EVA1A: variants seen among roughly 807,000 people sequenced by gnomAD.
EVA1A encodes the protein protein eva-1 homolog A.
EVA1A carries 7 observed loss-of-function variants against 9.8 expected under a neutral mutation model. The observed-to-expected ratio is 0.71, with a 90% CI of 0.41 to 1.34. The LOEUF is 1.34. Ranked by LOEUF, EVA1A falls within the 40% of genes most tolerant of loss-of-function variation. The pLI is 0.01. For synonymous variants in EVA1A, 90 were observed against 85.6 expected, an observed-to-expected ratio of 1.05 and a Z score of -0.28; for missense variants, 206 against 205.9, an observed-to-expected ratio of 1.00 and a Z score of 0.00.
chr2:75,535,985 A>G (rs1050986275), intron 1 of EVA1A, among the ~76,000 whole-genome samples: 1 of 152,184 alleles, frequency 6.6e-6, no homozygotes, highest in African/African-American at 2.4e-5. Context: ...AGAAACTATA[A>G]AAGTCCTTTC....
intron 1 of EVA1A, among the ~76,000 whole-genome samples, chr2:75,537,539 G>C (rs1009406400): frequency 6.6e-6 from 1 of 152,130 alleles, no homozygotes; most frequent in Non-Finnish European, 1.5e-5. Context: ...CTATTTGCAG[G>C]TGATATGGCT....
At chr2:75,522,574 C>G (rs535499637) in intron 1 of EVA1A, 87 bp from the exon 2 acceptor site, 1 of 152,300 alleles carries the variant, frequency 6.6e-6, no homozygotes. Context: ...GTGAACCCAG[C>G]AGAGAAGCTT....
At chr2:75,554,359 G>A (rs1272721736) in intron 1 of EVA1A, among the ~76,000 whole-genome samples, 1 of 152,176 alleles carries the variant, frequency 6.6e-6, no homozygotes, top group Non-Finnish European at 1.5e-5. Flanking sequence ...GAGGGGGCAA[G>A]AGGAGGAAGA....
At chr2:75,549,009 T>TATATA (rs1491197617) in intron 1 of EVA1A, among the ~76,000 whole-genome samples, 8 of 53,100 alleles carry the variant, frequency 1.5e-4, no homozygotes, top group African/African-American at 2.3e-4. Context: ...TATATATATA[T>TATATA]TTTTTTTTTT....
intron 2 of EVA1A, chr2:75,518,920 T>C: frequency 1.0e-6 from 1 of 971,198 alleles, no homozygotes; most frequent in Non-Finnish European, 1.2e-6. Context: ...CTACAGGAAT[T>C]TGAGAGCTCG....
At chr2:75,517,665 A>C (rs1463323455) in intron 3 of EVA1A, 3 of 628,974 alleles carry the variant, frequency 4.8e-6, no homozygotes, top group African/African-American at 3.7e-5. Context: ...TCTCTCTCCC[A>C]CACACACAGT....
chr2:75,567,041 G>A (rs944245658), intron 1 of EVA1A, among the ~76,000 whole-genome samples: 11 of 152,078 alleles, frequency 7.2e-5, no homozygotes, highest in African/African-American at 2.2e-4. Context: ...ATGAGACAAC[G>A]GAACTATGAA....
At chr2:75,530,228 T>C (rs112092426) in intron 1 of EVA1A, among the ~76,000 whole-genome samples, 7 of 151,496 alleles carry the variant, frequency 4.6e-5, no homozygotes, top group African/African-American at 1.5e-4. Flanking sequence ...AATAGATCAA[T>C]AACAAGTAGC....
chr2:75,498,308 A>G (rs1674284362), intron 3 of EVA1A, among the ~76,000 whole-genome samples: 1 of 150,610 alleles, frequency 6.6e-6, no homozygotes, highest in Non-Finnish European at 1.5e-5. Context: ...AGAAGGGAAC[A>G]ATAGACATTA....
intron 3 of EVA1A, among the ~76,000 whole-genome samples, chr2:75,517,007 C>T (rs991988152): frequency 6.6e-6 from 1 of 152,068 alleles, no homozygotes; most frequent in African/African-American, 2.4e-5. Flanking sequence ...AAGGCAGAGC[C>T]CTGGACCTGA....
intron 1 of EVA1A, chr2:75,542,842 A>G (rs1260848825): frequency 6.6e-6 from 1 of 152,138 alleles, no homozygotes; most frequent in Non-Finnish European, 1.5e-5. Context: ...TTGGGGGAAT[A>G]ATTTTGGAAA....
chr2:75,493,143 A>T lies in EVA1A; in HGVS notation c.*93T>A. The T allele has an allele frequency of 6.7e-7, 1 of 1,482,040 alleles. No individual in the cohort carries two copies. The highest frequency in any genetic ancestry group is 9.0e-7 in the Non-Finnish European group (1 of 1,105,080). 91.8% of individuals were successfully genotyped at this position (1,482,040 alleles called of 1,614,324 possible). On this transcript the variant is annotated 3_prime_UTR_variant, in exon 4 of 4. Coordinates refer to ENST00000393913, the MANE Select transcript of EVA1A (RefSeq NM_001135032.2). ...GCTTTTTCTCTGAAATCACAATATT[A>T]GCAGAGCTGGGTTCAGTTCCTTGTG...
chr2:75,550,648 C>A (rs1446610048), intron 1 of EVA1A, among the ~76,000 whole-genome samples: 1 of 152,234 alleles, frequency 6.6e-6, no homozygotes, highest in Non-Finnish European at 1.5e-5. Flanking sequence ...ATTTTCTCTG[C>A]TCCATCTAAT....
intron 3 of EVA1A, among the ~76,000 whole-genome samples, chr2:75,499,539 T>G (rs951392310): frequency 6.6e-6 from 1 of 152,168 alleles, no homozygotes; most frequent in Non-Finnish European, 1.5e-5. Flanking sequence ...GCTGGAGAAA[T>G]GGGTTCTGCT....
chr2:75,510,921 T>C (rs1558675551), intron 3 of EVA1A, among the ~76,000 whole-genome samples: 2 of 152,334 alleles, frequency 1.3e-5, no homozygotes, highest in East Asian at 3.9e-4. Flanking sequence ...TTTTTGTAAA[T>C]AAAATTTTAT....
At chr2:75,509,173 CTT>C (rs1265844317) in intron 3 of EVA1A, among the ~76,000 whole-genome samples, 3 of 152,070 alleles carry the variant, frequency 2.0e-5, no homozygotes, top group Non-Finnish European at 4.4e-5. Context: ...TTAAGGGGAA[CTT>C]ATCATATGTC....
At position 75,499,126 on chromosome 2, in the gene EVA1A, A is replaced by T. The variant is rs1162576819; in HGVS notation, c.86-5517T>A. Among the ~76,000 whole-genome samples the T allele has an allele frequency of 2.0e-5, 3 of 152,334 alleles. No homozygotes were observed. The East Asian group carries it at 5.8e-4, about 29-fold the overall frequency. On this transcript the variant is annotated intron_variant, in intron 3 of 3. Coordinates refer to ENST00000393913, the MANE Select transcript of EVA1A (RefSeq NM_001135032.2). Reference sequence around the variant, plus strand: ...ATTCTTAAGCCCTCAGATAGAGAGAACATGTCTTGGGGCAAATAAAAGCCC... The same window carrying T: ...ATTCTTAAGCCCTCAGATAGAGAGATCATGTCTTGGGGCAAATAAAAGCCC...
At chr2:75,554,751 A>G (rs188309252) in intron 1 of EVA1A, among the ~76,000 whole-genome samples, 1 of 152,242 alleles carries the variant, frequency 6.6e-6, no homozygotes, top group African/African-American at 2.4e-5. Context: ...ACCCCAGGTT[A>G]TAATTGATCT....
chr2:75,527,527 C>T lies in EVA1A; in HGVS notation c.-191-5040G>A, dbSNP rs563817479. Among the ~76,000 whole-genome samples, 4 of 152,300 alleles carry T rather than the reference C, an allele frequency of 2.6e-5. No homozygotes were observed. The East Asian group carries it at 5.8e-4, about 22-fold the overall frequency. Reference sequence around the variant, plus strand: ...TGGAGACCACATGGGATCCAGAACTCCCATCCCCATCCAGCAGTAAGGAGG... The same window carrying T: ...TGGAGACCACATGGGATCCAGAACTTCCATCCCCATCCAGCAGTAAGGAGG... On this transcript the variant is annotated intron_variant, in intron 1 of 3. Transcript: ENST00000393913.
Sources: gnomAD v4.1 joint callset for allele counts (sites outside exome capture counted in the v4.1 genomes callset) on GRCh38, gnomAD v4.1.1 for gene constraint, MANE v1.5 for transcripts, NCBI Gene and HGNC (gene_info 2026-07-23, HGNC 2026-07-21) for gene names.